The following MBOAT2 variants were observed in gnomAD, a reference collection of about 807,000 sequenced individuals.
The protein encoded by MBOAT2 is membrane bound glycerophospholipid O-acyltransferase 2.
Under a neutral mutation model 63.4 loss-of-function variants are expected in MBOAT2, and 28 were observed. The observed-to-expected ratio is 0.44, with a 90% CI of 0.33 to 0.61. The LOEUF (loss-of-function observed/expected upper bound fraction) is 0.61, where lower values mean the gene tolerates loss of function less well. Ranked by LOEUF, MBOAT2 falls within the 20% of genes least tolerant of loss-of-function variation. MBOAT2 has a pLI of 0.03. For synonymous variants in MBOAT2, 211 were observed against 215.6 expected, an observed-to-expected ratio of 0.98 and a Z score of 0.19; for missense variants, 470 against 605.8, an observed-to-expected ratio of 0.78 and a Z score of 2.35.
At chr2:8,989,890 G>A (rs1671808182) in intron 1 of MBOAT2, among the ~76,000 whole-genome samples, 1 of 152,146 alleles carries the variant, frequency 6.6e-6, no homozygotes, top group Non-Finnish European at 1.5e-5. Flanking sequence ...CACAAAAGGT[G>A]CAATGGCAGC....
intron 1 of MBOAT2, among the ~76,000 whole-genome samples, chr2:8,988,845 T>G (rs1671738673): frequency 6.6e-6 from 1 of 152,114 alleles, no homozygotes. Flanking sequence ...CCTAAACTCA[T>G]GCATAATAAT....
At chr2:8,861,020 T>G (rs1475672735) in intron 11 of MBOAT2, 1 of 248,672 alleles carries the variant, frequency 4.0e-6, no homozygotes, top group African/African-American at 2.3e-5. Flanking sequence ...GACTGGTGAG[T>G]CTGGGTAAAG....
At chr2:8,984,866 A>G (rs1671447627) in intron 1 of MBOAT2, among the ~76,000 whole-genome samples, 1 of 152,182 alleles carries the variant, frequency 6.6e-6, no homozygotes, top group South Asian at 2.1e-4. Context: ...CTTCATTACC[A>G]AAACAGGAGG....
chr2:8,976,084 A>T (rs1467342797), intron 1 of MBOAT2, among the ~76,000 whole-genome samples: 1 of 152,118 alleles, frequency 6.6e-6, no homozygotes, highest in African/African-American at 2.4e-5. Context: ...CAGCCCAGAC[A>T]TCCATATGTT....
At chr2:8,868,877 A>G (rs1315128754) in intron 8 of MBOAT2, among the ~76,000 whole-genome samples, 2 of 152,358 alleles carry the variant, frequency 1.3e-5, no homozygotes, top group East Asian at 1.9e-4. Flanking sequence ...AGTACGCTCA[A>G]CCAGCTGCCA....
At chr2:8,969,317 A>G (rs1210368045) in intron 1 of MBOAT2, among the ~76,000 whole-genome samples, 2 of 152,178 alleles carry the variant, frequency 1.3e-5, no homozygotes, top group East Asian at 3.8e-4. Context: ...AGACAAGCAA[A>G]TGCTGAGAGA....
chr2:8,968,896 C>T (rs1338382204), intron 1 of MBOAT2, among the ~76,000 whole-genome samples: 1 of 152,144 alleles, frequency 6.6e-6, no homozygotes, highest in Non-Finnish European at 1.5e-5. Flanking sequence ...ACCAAATCTA[C>T]GTCTGACTGG....
intron 2 of MBOAT2, among the ~76,000 whole-genome samples, chr2:8,949,680 A>T (rs1028528044): frequency 6.6e-6 from 1 of 152,016 alleles, no homozygotes; most frequent in Non-Finnish European, 1.5e-5. Context: ...GCAGTCTTCT[A>T]TTCTGTTCCA....
intron 1 of MBOAT2, among the ~76,000 whole-genome samples, chr2:8,963,170 C>G (rs1404343552): frequency 1.4e-5 from 2 of 147,680 alleles, no homozygotes; most frequent in African/African-American, 5.0e-5. Context: ...CCTTGGAGGT[C>G]AAGGTTGCAG....
intron 2 of MBOAT2, among the ~76,000 whole-genome samples, chr2:8,952,488 T>G (rs904720835): frequency 6.6e-6 from 1 of 152,226 alleles, no homozygotes; most frequent in South Asian, 2.1e-4. Flanking sequence ...GTTTTCTGCC[T>G]CATTGATCTG....
intron 3 of MBOAT2, among the ~76,000 whole-genome samples, chr2:8,929,344 T>G (rs1667153046): frequency 6.6e-6 from 1 of 152,134 alleles, no homozygotes; most frequent in South Asian, 2.1e-4. Flanking sequence ...ATTCATTCAT[T>G]CATTCATTCA....
Position 8,865,246 on chromosome 2 carries a change from G to A in MBOAT2, c.988-1012C>T, listed in dbSNP as rs147583023. The stretch of plus-strand genomic sequence containing the variant: ...AGAAGAGGTAAGTGTCAGCAATTTC[G>A]CATGATTCAACCTAATACCCCATCT... On this transcript the variant is annotated intron_variant, in intron 9 of 12. Coordinates refer to ENST00000305997, the MANE Select transcript of MBOAT2 (RefSeq NM_138799.4). Among the ~76,000 whole-genome samples the A allele has an allele frequency of 4.7e-3, 707 of 152,024 alleles. 5 individuals are homozygous for A. The highest frequency in any genetic ancestry group is 0.016 in the African/African-American group (673 of 41,450).
chr2:8,903,006 T>C (rs981967891), intron 4 of MBOAT2, among the ~76,000 whole-genome samples: 1 of 152,180 alleles, frequency 6.6e-6, no homozygotes, highest in African/African-American at 2.4e-5. Flanking sequence ...AGAGTGCTGA[T>C]TGGTGCGTTT....
At chr2:8,893,339 G>A (rs1160585053) in intron 4 of MBOAT2, among the ~76,000 whole-genome samples, 3 of 152,200 alleles carry the variant, frequency 2.0e-5, no homozygotes, top group Non-Finnish European at 4.4e-5. Context: ...CTTGGCACAA[G>A]AGGCCCTAGA....
At chr2:8,926,212 T>G (rs564434392) in intron 3 of MBOAT2, among the ~76,000 whole-genome samples, 1 of 152,314 alleles carries the variant, frequency 6.6e-6, no homozygotes, top group Non-Finnish European at 1.5e-5. Context: ...CACTGAAGCC[T>G]TGACCTCCTG....
intron 4 of MBOAT2, among the ~76,000 whole-genome samples, chr2:8,904,029 T>C (rs533538015): frequency 6.6e-6 from 1 of 152,180 alleles, no homozygotes; most frequent in Middle Eastern, 3.4e-3. Flanking sequence ...CAGGCTGGAG[T>C]GCAGTGGTGT....
intron 3 of MBOAT2, among the ~76,000 whole-genome samples, chr2:8,920,455 G>C (rs1573053533): frequency 6.6e-6 from 1 of 152,072 alleles, no homozygotes; most frequent in Admixed American, 6.5e-5. Flanking sequence ...TGAAACACAG[G>C]AGTGTAAATC....
chr2:8,929,243 T>G (rs1170012535), intron 3 of MBOAT2, among the ~76,000 whole-genome samples: 1 of 152,238 alleles, frequency 6.6e-6, no homozygotes, highest in African/African-American at 2.4e-5. Flanking sequence ...TAGAAAGTAC[T>G]ATTACTAATT....
intron 4 of MBOAT2, among the ~76,000 whole-genome samples, chr2:8,902,995 T>C (rs1282276515): frequency 6.6e-6 from 1 of 152,172 alleles, no homozygotes; most frequent in East Asian, 1.9e-4. Context: ...GTCCGTTTTA[T>C]AGAGTGCTGA....
Sources: allele counts gnomAD v4.1 joint callset (sites outside exome capture counted in the v4.1 genomes callset), GRCh38; gene constraint gnomAD v4.1.1; transcripts MANE v1.5; gene names NCBI Gene and HGNC (gene_info 2026-07-23, HGNC 2026-07-21).